BTBD9: variants seen among roughly 807,000 people sequenced by gnomAD.
The protein encoded by BTBD9 is BTB domain containing 9, also known as BTB/POZ domain-containing protein 9.
BTBD9 carries 49 observed loss-of-function variants against 64.3 expected under a neutral mutation model. That is an observed-to-expected ratio of 0.76 (90% CI 0.61 to 0.97). BTBD9 has a LOEUF of 0.97. Ranked by LOEUF, BTBD9 falls within the 50% of genes least tolerant of loss-of-function variation. The pLI is 0.00. For missense variants in BTBD9, 598 were observed against 762.1 expected (o/e 0.78, Z 2.53); for synonymous variants, 260 against 274.7 (o/e 0.95, Z 0.53).
intron 6 of BTBD9, among the ~76,000 whole-genome samples, chr6:38,440,361 G>T (rs1316671716): frequency 6.6e-6 from 1 of 152,184 alleles, no homozygotes; most frequent in African/African-American, 2.4e-5. Context: ...TCAAGTAAAT[G>T]ACATTTTTCA....
At chr6:38,245,828 T>A (rs1764174089) in intron 9 of BTBD9, among the ~76,000 whole-genome samples, 1 of 152,206 alleles carries the variant, frequency 6.6e-6, no homozygotes, top group Non-Finnish European at 1.5e-5. Flanking sequence ...GTTATTTCCA[T>A]AATAAAATAA....
At chr6:38,484,950 T>G (rs946282531) in intron 6 of BTBD9, among the ~76,000 whole-genome samples, 6 of 152,200 alleles carry the variant, frequency 3.9e-5, no homozygotes, top group African/African-American at 1.2e-4. Context: ...TGACTCTTCT[T>G]TCATGAAAGA....
At chr6:38,205,622 C>T (rs1173859685) in intron 9 of BTBD9, among the ~76,000 whole-genome samples, 1 of 151,844 alleles carries the variant, frequency 6.6e-6, no homozygotes, top group Non-Finnish European at 1.5e-5. Flanking sequence ...TCCACCAAAA[C>T]AAAGGACCAA....
At chr6:38,266,636 AAGAAAGAAAG>A (rs1765002519) in intron 8 of BTBD9, among the ~76,000 whole-genome samples, 1 of 116,738 alleles carries the variant, frequency 8.6e-6, no homozygotes, top group Non-Finnish European at 1.7e-5. Context: ...GAAAGAAAGA[AAGAAAGAAAG>A]AAAGAAAGAA....
intron 6 of BTBD9, among the ~76,000 whole-genome samples, chr6:38,449,861 T>C (rs1769441389): frequency 6.6e-6 from 1 of 152,136 alleles, no homozygotes; most frequent in Admixed American, 6.6e-5. Context: ...TCCATGACAT[T>C]AGTCTGGGCA....
At chr6:38,527,263 C>CAGA (rs1773547449) in intron 6 of BTBD9, among the ~76,000 whole-genome samples, 1 of 53,306 alleles carries the variant, frequency 1.9e-5, no homozygotes, top group African/African-American at 8.8e-5. Flanking sequence ...GACTCTGTCT[C>CAGA]AAAAAAAAAA....
chr6:38,562,624 C>T (rs532690964), intron 6 of BTBD9, among the ~76,000 whole-genome samples: 29 of 152,162 alleles, frequency 1.9e-4, no homozygotes, highest in African/African-American at 4.3e-4. Flanking sequence ...TATATACATA[C>T]GTAAGGTTGT....
intron 1 of BTBD9, among the ~76,000 whole-genome samples, chr6:38,605,051 C>CTT (rs70981570): frequency 9.8e-5 from 14 of 143,152 alleles, no homozygotes; most frequent in African/African-American, 3.1e-4. Flanking sequence ...TTTGCTAATT[C>CTT]TTTTTTTTTT....
intron 8 of BTBD9, among the ~76,000 whole-genome samples, chr6:38,287,995 T>C (rs958690431): frequency 3.3e-5 from 5 of 152,190 alleles, no homozygotes; most frequent in African/African-American, 1.2e-4. Flanking sequence ...CCAATACAAA[T>C]TGAGACTTGA....
chr6:38,239,219 A>T (rs1763904114), intron 9 of BTBD9, among the ~76,000 whole-genome samples: 1 of 152,096 alleles, frequency 6.6e-6, no homozygotes, highest in Admixed American at 6.5e-5. Context: ...AGGTGGACAG[A>T]TCACGAGGTC....
chr6:38,495,374 A>G (rs897284953), intron 6 of BTBD9, among the ~76,000 whole-genome samples: 2 of 152,212 alleles, frequency 1.3e-5, no homozygotes, highest in Non-Finnish European at 1.5e-5. Context: ...CTTACCAACA[A>G]AAGAATGCAG....
rs540448164 is a variant in BTBD9 at position 38,297,740 on chromosome 6, T to G, written c.1265-9279A>C. On this transcript the variant is annotated intron_variant, in intron 7 of 10. Transcript: ENST00000481247. ...ACTGGCAGATTTACATGACTCCCATTAATTGTTATTACTAATTTATTTGAA... is the reference window on the plus strand; with the variant it reads ...ACTGGCAGATTTACATGACTCCCATGAATTGTTATTACTAATTTATTTGAA... Among the ~76,000 whole-genome samples the G allele has an allele frequency of 2.4e-4, 36 of 152,316 alleles. No individual in the cohort carries two copies. In the South Asian group the frequency reaches 4.8e-3, roughly 20 times the overall value.
intron 7 of BTBD9, among the ~76,000 whole-genome samples, chr6:38,327,953 G>A (rs1024241375): frequency 1.4e-4 from 22 of 152,148 alleles, no homozygotes; most frequent in Non-Finnish European, 7.3e-5. Context: ...ATTTGGGAGC[G>A]CGTGGAGTGC....
intron 4 of BTBD9, among the ~76,000 whole-genome samples, chr6:38,585,137 CAA>C (rs1776456790): frequency 6.6e-6 from 1 of 151,568 alleles, no homozygotes; most frequent in South Asian, 2.1e-4. Flanking sequence ...TCTCAGGAGA[CAA>C]GAGCATGTGT....
intron 6 of BTBD9, among the ~76,000 whole-genome samples, chr6:38,351,182 G>T (rs1294618141): frequency 6.6e-6 from 1 of 152,190 alleles, no homozygotes; most frequent in Non-Finnish European, 1.5e-5. Flanking sequence ...CTCTTGTACT[G>T]ACTTCAGCAA....
intron 6 of BTBD9, among the ~76,000 whole-genome samples, chr6:38,557,931 G>A (rs1775101231): frequency 6.6e-6 from 1 of 152,104 alleles, no homozygotes; most frequent in Admixed American, 6.5e-5. Flanking sequence ...TTCTGAGGCT[G>A]TGTGAAATGA....
chr6:38,555,927 A>C (rs1774992193), intron 6 of BTBD9, among the ~76,000 whole-genome samples: 1 of 152,228 alleles, frequency 6.6e-6, no homozygotes, highest in South Asian at 2.1e-4. Flanking sequence ...AATCAGTAAA[A>C]CACTATAACT....
intron 6 of BTBD9, among the ~76,000 whole-genome samples, chr6:38,448,319 T>C (rs1769367741): frequency 6.6e-6 from 1 of 152,104 alleles, no homozygotes; most frequent in Non-Finnish European, 1.5e-5. Flanking sequence ...GGAGAAAGAA[T>C]GCAATGTAAG....
intron 6 of BTBD9, among the ~76,000 whole-genome samples, chr6:38,471,796 G>A (rs1770662760): frequency 6.6e-6 from 1 of 152,112 alleles, no homozygotes; most frequent in South Asian, 2.1e-4. Flanking sequence ...AAACTAAAAT[G>A]TCATTACTTG....
Sources: allele counts gnomAD v4.1 joint callset (sites outside exome capture counted in the v4.1 genomes callset), GRCh38; gene constraint gnomAD v4.1.1; transcripts MANE v1.5; gene names NCBI Gene and HGNC (gene_info 2026-07-23, HGNC 2026-07-21).